Variants in UFSP2 observed in about 807,000 individuals in gnomAD.
UFSP2 encodes the protein ufm1-specific protease 2.
A neutral mutation model predicts 60.2 loss-of-function variants in UFSP2; 43 were observed. The observed-to-expected ratio is 0.71, with a 90% CI of 0.56 to 0.92. UFSP2 has a LOEUF of 0.92. Ranked by LOEUF, UFSP2 falls within the 40% of genes least tolerant of loss-of-function variation. The probability of loss-of-function intolerance (pLI) is 0.00; values close to 1 mark genes in which losing one functional copy is unlikely to be tolerated. For missense variants in UFSP2, 520 were observed against 575.0 expected (o/e 0.90, Z 0.98); for synonymous variants, 183 against 195.1 (o/e 0.94, Z 0.52).
At position 185,399,937 on chromosome 4, in the gene UFSP2, A is replaced by G; in HGVS notation, c.*455T>C. The G allele has an allele frequency of 6.4e-7, 1 of 1,559,604 alleles. No homozygotes were observed. The highest frequency in any genetic ancestry group is 8.6e-7 in the Non-Finnish European group (1 of 1,158,166). On this transcript the variant is annotated 3_prime_UTR_variant, in exon 12 of 12. Coordinates refer to ENST00000264689, the MANE Select transcript of UFSP2 (RefSeq NM_018359.5). ...ACTTACCAGAGTCTAGAGACCAAAA[A>G]TGGGACTGCATGGTGGAAGTTTGGG...
Position 185,400,061 on chromosome 4 carries a change from A to G in UFSP2, c.*331T>C. On this transcript the variant is annotated 3_prime_UTR_variant, in exon 12 of 12. Coordinates refer to ENST00000264689, the MANE Select transcript of UFSP2 (RefSeq NM_018359.5). ...GAAGTCTGAAGAACGCCTTCATTTC[A>G]TGCAAATCTATAAGCTCCTGCTTTT... The G allele has an allele frequency of 6.6e-7, 1 of 1,517,022 alleles. No individual in the cohort carries two copies. The highest frequency in any genetic ancestry group is 9.0e-7 in the Non-Finnish European group (1 of 1,105,224). The allele number at this position is 1,517,022 out of a possible 1,614,324, so 94.0% of individuals were successfully genotyped here.
intron 10 of UFSP2, among the ~76,000 whole-genome samples, chr4:185,405,532 A>C (rs2095519321): frequency 1.3e-5 from 2 of 152,190 alleles, no homozygotes; most frequent in African/African-American, 4.8e-5. Context: ...TACTGTTCTC[A>C]GCTCTTTAAA....
chr4:185,423,108 C>G (rs1231390125), intron 1 of UFSP2, among the ~76,000 whole-genome samples: 3 of 152,232 alleles, frequency 2.0e-5, no homozygotes, highest in African/African-American at 4.8e-5. Context: ...ATCCGCCTGT[C>G]TCGGCCTCCC....
chr4:185,412,178 A>G (rs967291536), intron 7 of UFSP2, among the ~76,000 whole-genome samples: 1 of 152,236 alleles, frequency 6.6e-6, no homozygotes, highest in African/African-American at 2.4e-5. Flanking sequence ...ATAAATATGT[A>G]AAGTATATAT....
At position 185,400,251 on chromosome 4, in the gene UFSP2, C is replaced by T. The variant is rs1319079521; in HGVS notation, c.*141G>A. 8 of 742,738 alleles carry T rather than the reference C, an allele frequency of 1.1e-5. No individual in the cohort carries two copies. The highest frequency in any genetic ancestry group is 1.8e-5 in the African/African-American group (1 of 56,292). 46.0% of individuals were successfully genotyped at this position (742,738 alleles called of 1,614,324 possible). ...AGGAACGTCTAAAAAATACATTCTC[C>T]GTGCAGTATTTACAACCTTTGAAAA... On this transcript the variant is annotated 3_prime_UTR_variant, in exon 12 of 12. Coordinates refer to ENST00000264689, the MANE Select transcript of UFSP2 (RefSeq NM_018359.5).
At chr4:185,402,266 G>A in intron 11 of UFSP2, 1 of 453,752 alleles carries the variant, frequency 2.2e-6, no homozygotes, top group South Asian at 1.6e-5. Context: ...CCTTGCTACA[G>A]AACAAGAATA....
At chr4:185,414,807 C>T (rs2095535480) in intron 6 of UFSP2, among the ~76,000 whole-genome samples, 1 of 152,128 alleles carries the variant, frequency 6.6e-6, no homozygotes, top group African/African-American at 2.4e-5. Flanking sequence ...TTGTCTCTTT[C>T]ACAAATCGGA....
rs557089455 is a variant in UFSP2, at chr4:185,400,115, C to T, written c.*277G>A. 1.7e-6 allele frequency: 2 copies of T among 1,194,864 alleles called. No homozygotes were observed. The highest frequency in any genetic ancestry group is 2.4e-5 in the East Asian group (1 of 42,084). The allele number at this position is 1,194,864 out of a possible 1,614,324, so 74.0% of individuals were successfully genotyped here. ...TTTACCATATGTTGTGTCTAATCTC[C>T]TTCTGAGAAGGACGAAAAACTTTCT... On this transcript the variant is annotated 3_prime_UTR_variant, in exon 12 of 12. Coordinates refer to ENST00000264689, the MANE Select transcript of UFSP2 (RefSeq NM_018359.5).
chr4:185,418,827 G>A, intron 2 of UFSP2, 57 bp from the exon 3 acceptor site: 2 of 1,343,882 alleles, frequency 1.5e-6, no homozygotes, highest in Non-Finnish European at 2.0e-6. Context: ...AACATGAATG[G>A]TTCCAAACAT....
intron 4 of UFSP2, among the ~76,000 whole-genome samples, chr4:185,417,006 T>C (rs1453687042): frequency 6.6e-6 from 1 of 152,212 alleles, no homozygotes; most frequent in East Asian, 1.9e-4. Context: ...AAGATACATA[T>C]GTAGTTTCTT....
rs373332194 is a variant in UFSP2, at chr4:185,418,706, G to A, written c.147C>T (p.Asn49=). Residue 49 remains asparagine, a synonymous_variant, in exon 3 of 12, where the codon AAC becomes AAT. Coordinates refer to ENST00000264689, the MANE Select transcript of UFSP2 (RefSeq NM_018359.5). ...LSDLSTKLSS[N]ALVFRICHSS... ...TGTGGCAAATTCTGAACACAAGGGC[G>A]TTTGAAGACAGCTTAGTTGACAGGT... The A allele has an allele frequency of 3.2e-5, 52 of 1,613,734 alleles. No homozygotes were observed. The African/African-American group carries it at 5.3e-4, about 17-fold the overall frequency.
chr4:185,400,182 C>T lies in UFSP2; in HGVS notation c.*210G>A. 1.4e-6 allele frequency: 1 copy of T among 719,286 alleles called. No homozygotes were observed. The highest frequency in any genetic ancestry group is 2.3e-6 in the Non-Finnish European group (1 of 441,354). 44.6% of individuals were successfully genotyped at this position (719,286 alleles called of 1,614,324 possible). A position where few individuals can be genotyped will look rare whatever the true frequency, so the allele number is the denominator to read the frequency against. On this transcript the variant is annotated 3_prime_UTR_variant, in exon 12 of 12. Transcript: ENST00000264689. ...TTTAAGAACACATGTATTTACATGC[C>T]TATAATATGCTGGTTGTGTATGCTT... is the stretch of plus-strand genomic sequence containing the variant.
At chr4:185,418,358 T>A in intron 4 of UFSP2, 83 bp downstream of exon 4, 1 of 1,083,810 alleles carries the variant, frequency 9.2e-7, no homozygotes, top group Non-Finnish European at 1.3e-6. Context: ...ATAAGAGGGT[T>A]AAATTATTTC....
rs1312097251 is a variant in UFSP2, at chr4:185,405,780, C to T, written c.1198G>A (p.Gly400Arg). The change falls in exon 10 of 12, where the codon GGG becomes AGG. Residue 400 changes from glycine (G) to arginine (R), a missense_variant and splice_region_variant. By Grantham distance (125) the Gly-to-Arg change is moderately radical. Transcript: ENST00000264689. ...AAAAACAGTGTCTGAAACAGCTTACCGATCATAACTGGAGTTCCTTCACTT... is the reference window on the plus strand; with the variant it reads ...AAAAACAGTGTCTGAAACAGCTTACTGATCATAACTGGAGTTCCTTCACTT... ...FQSEGTPVMI[G>R]GGVLAHTILG... The T allele has an allele frequency of 4.3e-6, 7 of 1,613,722 alleles. No individual in the cohort carries two copies. Among genetic ancestry groups the T allele is most frequent in the African/African-American group, 2.7e-5 (2 of 74,896 alleles).
chr4:185,406,855 C>T (rs1041103930), intron 9 of UFSP2, among the ~76,000 whole-genome samples: 1 of 152,002 alleles, frequency 6.6e-6, no homozygotes, highest in African/African-American at 2.4e-5. Flanking sequence ...GGATTACAGG[C>T]GTGAGCCACT....
chr4:185,414,317 TAC>T (rs1427230334), intron 6 of UFSP2, among the ~76,000 whole-genome samples: 1 of 152,238 alleles, frequency 6.6e-6, no homozygotes, highest in Non-Finnish European at 1.5e-5. Flanking sequence ...GTGATTAAAC[TAC>T]AGAGTAGAAG....
rs148902345 is a variant in UFSP2, at chr4:185,407,965, G to A, written c.1092C>T (p.Ile364=). ...IEVQLVLNQL[I]GITSKILFVS... ...CAAACAGGATTTTTGACGTTATACC[G>A]ATCAATTGGTTTAGTACCAGCTGCA... Residue 364 remains isoleucine (I), a synonymous_variant, in exon 9 of 12, where the codon ATC becomes ATT. Transcript: ENST00000264689. 13 of 1,613,892 alleles carry A rather than the reference G, an allele frequency of 8.1e-6. No individual in the cohort carries two copies. The highest frequency in any genetic ancestry group is 1.6e-4 in the Middle Eastern group (1 of 6,084).
Position 185,399,630 on chromosome 4 carries a change from C to T in UFSP2, c.*762G>A. 3.1e-6 allele frequency: 5 copies of T among 1,614,158 alleles called. No individual in the cohort carries two copies. Among genetic ancestry groups the T allele is most frequent in the Non-Finnish European group, 4.2e-6 (5 of 1,180,020 alleles). On this transcript the variant is annotated 3_prime_UTR_variant, in exon 12 of 12. Transcript: ENST00000264689. ...TCGCTTGGTCATGTGGATTTCCAGA[C>T]TGTGCCAAGTTTCTTACAACAATTA...
chr4:185,419,578 G>GA (rs2095545842), intron 2 of UFSP2, among the ~76,000 whole-genome samples: 2 of 152,172 alleles, frequency 1.3e-5, no homozygotes, highest in South Asian at 4.1e-4. Context: ...TTTGCAAAAT[G>GA]AAAAGAATTT....
Sources: gnomAD v4.1 joint callset for allele counts (sites outside exome capture counted in the v4.1 genomes callset) on GRCh38, gnomAD v4.1.1 for gene constraint, MANE v1.5 for transcripts, NCBI Gene and HGNC (gene_info 2026-07-23, HGNC 2026-07-21) for gene names.